The following MAP3K1 variants were observed in gnomAD, a reference collection of about 807,000 sequenced individuals.
MAP3K1 encodes MAP/ERK kinase kinase 1.
In MAP3K1, 36 loss-of-function variants were observed where a neutral mutation model predicts 144.2. The observed-to-expected ratio is 0.25, with a 90% confidence interval of 0.19 to 0.33. MAP3K1 has a LOEUF of 0.33. MAP3K1 is among the 10% of genes least tolerant of loss of function. The probability of loss-of-function intolerance (pLI) is 1.00; values close to 1 mark genes in which losing one functional copy is unlikely to be tolerated. For missense variants in MAP3K1, 1,650 were observed against 1,881.9 expected (o/e 0.88, Z 2.28); for synonymous variants, 718 against 688.7 (o/e 1.04, Z -0.67).
At chr5:56,843,289 GCCATTGCCA>G (rs759780773) in intron 1 of MAP3K1, among the ~76,000 whole-genome samples, 3 of 152,054 alleles carry the variant, frequency 2.0e-5, no homozygotes, top group Non-Finnish European at 4.4e-5. Flanking sequence ...CTGCTTTCTG[GCCATTGCCA>G]TCACCTCCTT....
intron 1 of MAP3K1, among the ~76,000 whole-genome samples, chr5:56,824,276 A>G (rs1428658077): frequency 3.3e-5 from 5 of 152,234 alleles, no homozygotes; most frequent in Non-Finnish European, 5.9e-5. Flanking sequence ...TAAGCAGCCA[A>G]AGGACCTGTA....
At chr5:56,827,291 C>T (rs1381525628) in intron 1 of MAP3K1, among the ~76,000 whole-genome samples, 1 of 152,008 alleles carries the variant, frequency 6.6e-6, no homozygotes, top group Non-Finnish European at 1.5e-5. Flanking sequence ...GCGCTTAGGA[C>T]AAAATAAAAA....
At chr5:56,844,717 A>T (rs1746937893) in intron 1 of MAP3K1, among the ~76,000 whole-genome samples, 1 of 152,158 alleles carries the variant, frequency 6.6e-6, no homozygotes. Flanking sequence ...CTTCTGTGAG[A>T]CAGAATGATT....
chr5:56,834,331 C>G (rs1466965221), intron 1 of MAP3K1, among the ~76,000 whole-genome samples: 1 of 152,174 alleles, frequency 6.6e-6, no homozygotes, highest in Non-Finnish European at 1.5e-5. Flanking sequence ...CTTGTGTTCT[C>G]TAGCTAGTTA....
intron 19 of MAP3K1, among the ~76,000 whole-genome samples, chr5:56,891,907 C>T (rs1349805344): frequency 2.0e-5 from 3 of 152,066 alleles, no homozygotes; most frequent in African/African-American, 7.2e-5. Flanking sequence ...TCTGTTTTGG[C>T]ACCAGTACCA....
Position 56,883,764 on chromosome 5 carries a change from C to T in MAP3K1, c.3819+85C>T, listed in dbSNP as rs145350046. On this transcript the variant is annotated intron_variant, in intron 15 of 19. Transcript: ENST00000399503. ...GTAAAAAGAATAAAGGATATGTCCA[C>T]GTGTGTGTACTTTAGTTCTTTAAAC... 1.3e-3 allele frequency: 1,705 copies of T among 1,358,440 alleles called. 4 individuals carry two copies. The highest frequency in any genetic ancestry group is 1.6e-3 in the Non-Finnish European group (1,513 of 949,638). 84.1% of individuals were successfully genotyped at this position (1,358,440 alleles called of 1,614,324 possible).
chr5:56,867,688 T>G (rs1456024316), intron 6 of MAP3K1, among the ~76,000 whole-genome samples: 2 of 152,204 alleles, frequency 1.3e-5, no homozygotes, highest in African/African-American at 4.8e-5. Context: ...CCGTATAGCC[T>G]TTTGAAGAAA....
At chr5:56,859,065 T>TAAAAAAAAAA (rs34494768) in intron 2 of MAP3K1, among the ~76,000 whole-genome samples, 3 of 125,582 alleles carry the variant, frequency 2.4e-5, no homozygotes, top group Non-Finnish European at 5.0e-5. Flanking sequence ...AAGCCTTAAT[T>TAAAAAAAAAA]AAAAAAAAAA....
chr5:56,820,947 C>T (rs1746136007), intron 1 of MAP3K1: 1 of 292,956 alleles, frequency 3.4e-6, no homozygotes, highest in South Asian at 1.3e-4. Flanking sequence ...ATATACAACA[C>T]TGCATGTTCA....
At chr5:56,891,531 G>T (rs555526059) in intron 19 of MAP3K1, among the ~76,000 whole-genome samples, 11 of 152,062 alleles carry the variant, frequency 7.2e-5, no homozygotes, top group African/African-American at 2.7e-4. Context: ...CTGCAGAAGC[G>T]CTTTAGTTTA....
chr5:56,874,963 C>A, intron 9 of MAP3K1, 69 bp from the exon 10 acceptor site: 1 of 1,528,464 alleles, frequency 6.5e-7, no homozygotes, highest in Non-Finnish European at 9.1e-7. Flanking sequence ...AAAAATGATG[C>A]TAAACTCAAA....
intron 1 of MAP3K1, chr5:56,820,551 C>T: frequency 1.0e-6 from 1 of 985,286 alleles, no homozygotes; most frequent in Non-Finnish European, 1.2e-6. Context: ...CCTATCATGT[C>T]AGCCAAAGAG....
intron 6 of MAP3K1, among the ~76,000 whole-genome samples, chr5:56,867,895 T>G (rs953830869): frequency 2.6e-5 from 4 of 152,194 alleles, no homozygotes; most frequent in Non-Finnish European, 5.9e-5. Flanking sequence ...ATGCCCATGT[T>G]ACAAATGTCA....
intron 19 of MAP3K1, among the ~76,000 whole-genome samples, chr5:56,889,049 T>TTATATG (rs758673889): frequency 6.6e-5 from 10 of 152,246 alleles, no homozygotes; most frequent in Non-Finnish European, 1.2e-4. Flanking sequence ...TGTAGTGTGT[T>TTATATG]TATATGTATA....
intron 1 of MAP3K1, among the ~76,000 whole-genome samples, chr5:56,854,626 G>C (rs943112873): frequency 7.9e-5 from 12 of 152,108 alleles, no homozygotes; most frequent in Non-Finnish European, 5.9e-5. Context: ...AAGTGGAAAG[G>C]AAAGAGACAC....
At chr5:56,817,321 G>GAATT (rs1746009262) in intron 1 of MAP3K1, among the ~76,000 whole-genome samples, 1 of 152,196 alleles carries the variant, frequency 6.6e-6, no homozygotes, top group South Asian at 2.1e-4. Context: ...TGGCCCTGTA[G>GAATT]AATTCCCTGA....
intron 1 of MAP3K1, among the ~76,000 whole-genome samples, chr5:56,826,592 A>C (rs1269705709): frequency 1.3e-5 from 2 of 152,234 alleles, no homozygotes; most frequent in African/African-American, 4.8e-5. Context: ...TCAAGCAGAG[A>C]GCTTGATGAC....
intron 6 of MAP3K1, 70 bp from the exon 7 acceptor site, chr5:56,871,840 G>A: frequency 7.0e-7 from 1 of 1,436,598 alleles, no homozygotes; most frequent in Non-Finnish European, 9.8e-7. Flanking sequence ...CAAGCAGAAA[G>A]TGTTTTTAGC....
intron 1 of MAP3K1, among the ~76,000 whole-genome samples, chr5:56,819,749 C>T (rs1013638462): frequency 6.6e-6 from 1 of 152,202 alleles, no homozygotes; most frequent in African/African-American, 2.4e-5. Flanking sequence ...CACCTCTAAT[C>T]TTGGAATTCT....
Sources: gnomAD v4.1 joint callset for allele counts (sites outside exome capture counted in the v4.1 genomes callset) on GRCh38, gnomAD v4.1.1 for gene constraint, MANE v1.5 for transcripts, NCBI Gene and HGNC (gene_info 2026-07-23, HGNC 2026-07-21) for gene names.